The following RANBP2 variants were observed in gnomAD, a reference collection of about 807,000 sequenced individuals.
RANBP2 encodes E3 SUMO-protein ligase RanBP2.
In RANBP2, 57 loss-of-function variants were observed where a neutral mutation model predicts 303.6. The observed-to-expected ratio is 0.19, with a 90% CI of 0.15 to 0.23. The LOEUF (loss-of-function observed/expected upper bound fraction) is 0.23, where lower values mean the gene tolerates loss of function less well. Ranked by LOEUF, RANBP2 falls within the 10% of genes least tolerant of loss-of-function variation. The pLI, the probability that RANBP2 is intolerant of heterozygous loss-of-function variation, is 1.00. For missense variants in RANBP2, 3,138 were observed against 3,780.8 expected, an observed-to-expected ratio of 0.83 and a Z score of 4.46; for synonymous variants, 1,167 against 1,301.5, an observed-to-expected ratio of 0.90 and a Z score of 2.23.
chr2:109,218,385 T>G, the RANBP2 span, among the ~76,000 whole-genome samples: 1 of 152,204 alleles, frequency 6.6e-6, no homozygotes, highest in Non-Finnish European at 1.5e-5. Flanking sequence ...AGTTGCTGGA[T>G]GAAATGTTCT....
chr2:109,264,558 T>A, the RANBP2 span, among the ~76,000 whole-genome samples: 109 of 152,370 alleles, frequency 7.2e-4, 1 homozygote, highest in African/African-American at 2.5e-3. Flanking sequence ...GCCAGGCTTT[T>A]TGTAAGATCT....
rs1573780513 is a variant in RANBP2, at chr2:108,754,911, G to A, written c.2209G>A (p.Val737Met). ...TAATGTCTTTTATTTTTAGTTGCCT[G>A]TGCCCCTGGAGTCTGTAAAAGAGAT... The part of the protein sequence containing the change: ...SNLSVVKKLP[V>M]PLESVKEMLN... Residue 737 changes from valine to methionine, a missense_variant, in exon 16 of 29, where the codon GTG becomes ATG. Transcript: ENST00000283195. 1 of 1,611,694 alleles carries A rather than the reference G, an allele frequency of 6.2e-7. No individual in the cohort carries two copies. The highest frequency in any genetic ancestry group is 2.2e-5 in the East Asian group (1 of 44,850).
chr2:109,561,256 C>T, the RANBP2 span, among the ~76,000 whole-genome samples: 1 of 152,086 alleles, frequency 6.6e-6, no homozygotes, highest in African/African-American at 2.4e-5. Context: ...ATATGTCTTG[C>T]TCTGTTTTCC....
the RANBP2 span, among the ~76,000 whole-genome samples, chr2:109,477,758 C>T: frequency 6.6e-6 from 1 of 152,126 alleles, no homozygotes; most frequent in Non-Finnish European, 1.5e-5. Flanking sequence ...GGTTCATAGA[C>T]GGCGCCTTCT....
the RANBP2 span, among the ~76,000 whole-genome samples, chr2:109,084,074 C>T: frequency 2.0e-5 from 3 of 152,140 alleles, no homozygotes; most frequent in African/African-American, 7.2e-5. Flanking sequence ...TGGTGTGGAA[C>T]TTTAGGAGTT....
At chr2:109,621,310 G>A in the RANBP2 span, among the ~76,000 whole-genome samples, 1 of 151,892 alleles carries the variant, frequency 6.6e-6, no homozygotes, top group South Asian at 2.1e-4. Context: ...GCGCCACTAC[G>A]CCCAGATAAT....
chr2:109,557,806 A>T, the RANBP2 span, among the ~76,000 whole-genome samples: 1 of 152,002 alleles, frequency 6.6e-6, no homozygotes, highest in South Asian at 2.1e-4. Context: ...TTCTTGCTAT[A>T]CTATTCCCTT....
At chr2:109,311,697 T>C in the RANBP2 span, among the ~76,000 whole-genome samples, 1 of 152,228 alleles carries the variant, frequency 6.6e-6, no homozygotes, top group Non-Finnish European at 1.5e-5. Flanking sequence ...TTCTGACTGA[T>C]GTACCCTGGT....
At chr2:109,460,267 G>A in the RANBP2 span, among the ~76,000 whole-genome samples, 2 of 152,128 alleles carry the variant, frequency 1.3e-5, no homozygotes, top group Non-Finnish European at 2.9e-5. Flanking sequence ...AGAGTGAATA[G>A]TATCCATTCC....
At chr2:109,639,652 G>A in the RANBP2 span, among the ~76,000 whole-genome samples, 1 of 151,664 alleles carries the variant, frequency 6.6e-6, no homozygotes, top group Non-Finnish European at 1.5e-5. Context: ...AAAAAAATGG[G>A]CTGTAATCTC....
chr2:109,115,843 C>T, the RANBP2 span, among the ~76,000 whole-genome samples: 1 of 152,198 alleles, frequency 6.6e-6, no homozygotes, highest in Non-Finnish European at 1.5e-5. Context: ...CAAAATCTCT[C>T]AGCATTTGCT....
the RANBP2 span, among the ~76,000 whole-genome samples, chr2:109,675,280 A>G: frequency 3.3e-3 from 496 of 152,348 alleles, 2 homozygotes; most frequent in South Asian, 0.016. Context: ...GGCAAAGTGC[A>G]AAGTTCTCAG....
At chr2:109,385,124 C>T in the RANBP2 span, among the ~76,000 whole-genome samples, 12 of 152,316 alleles carry the variant, frequency 7.9e-5, no homozygotes, top group East Asian at 2.3e-3. Context: ...GACCCCTGCC[C>T]ACGTTGGCAT....
chr2:109,113,645 G>T, the RANBP2 span, among the ~76,000 whole-genome samples: 11 of 152,096 alleles, frequency 7.2e-5, no homozygotes, highest in African/African-American at 2.7e-4. Context: ...CTGACTAATT[G>T]CCCTGGCCAG....
At chr2:108,994,354 C>A in the RANBP2 span, among the ~76,000 whole-genome samples, 2 of 152,214 alleles carry the variant, frequency 1.3e-5, no homozygotes, top group African/African-American at 4.8e-5. Context: ...CGGCCCCCAC[C>A]ACCTCCATTA....
chr2:109,597,243 A>G, the RANBP2 span, among the ~76,000 whole-genome samples: 1 of 152,206 alleles, frequency 6.6e-6, no homozygotes, highest in Non-Finnish European at 1.5e-5. Context: ...GCCTGGCTGG[A>G]AAAGGTTTTT....
intron 10 of RANBP2, 21 bp downstream of exon 10, chr2:108,751,466 A>G (rs761032902): frequency 3.7e-6 from 6 of 1,611,758 alleles, no homozygotes; most frequent in Admixed American, 3.3e-5. Context: ...ATTTTAACAA[A>G]TTAAATATTC....
chr2:109,129,578 C>T, the RANBP2 span: 4 of 1,484,436 alleles, frequency 2.7e-6, no homozygotes, highest in African/African-American at 2.9e-5. Flanking sequence ...GCATCCAAGG[C>T]GGCCGCCGCT....
At chr2:108,913,229 A>G in the RANBP2 span, among the ~76,000 whole-genome samples, 4,019 of 152,044 alleles carry the variant, frequency 0.026, 171 homozygotes, top group African/African-American at 0.09. Context: ...GATTACAGGC[A>G]TGAGCCACCG....
Sources: gnomAD v4.1 joint callset for allele counts (sites outside exome capture counted in the v4.1 genomes callset) on GRCh38, gnomAD v4.1.1 for gene constraint, MANE v1.5 for transcripts, NCBI Gene and HGNC (gene_info 2026-07-23, HGNC 2026-07-21) for gene names.